The following LINGO2 variants were observed in gnomAD, a reference collection of about 807,000 sequenced individuals.
The protein encoded by LINGO2 is leucine-rich repeat and immunoglobulin-like domain-containing nogo receptor-interacting protein 2.
Under a neutral mutation model 30.6 loss-of-function variants are expected in LINGO2, and 14 were observed. The ratio of observed to expected loss-of-function variants is 0.46; its 90% confidence interval spans 0.30 to 0.72. LINGO2 has a LOEUF of 0.72. Among genes scored for constraint, LINGO2 ranks in the 30% least tolerant of loss-of-function variants. The pLI, the probability that LINGO2 is intolerant of heterozygous loss-of-function variation, is 0.07. For synonymous variants in LINGO2, 317 were observed against 288.5 expected (o/e 1.10, Z -1.00); for missense variants, 729 against 751.7 (o/e 0.97, Z 0.35).
chr9:28,445,063 C>T (rs1040025760), intron 2 of LINGO2, among the ~76,000 whole-genome samples: 3 of 152,212 alleles, frequency 2.0e-5, no homozygotes, highest in Non-Finnish European at 1.5e-5. Context: ...TAGCCAAAGT[C>T]ACAGAGCTAG....
chr9:28,837,661 C>CATATATAT, the LINGO2 span, among the ~76,000 whole-genome samples: 1 of 89,404 alleles, frequency 1.1e-5, no homozygotes, highest in African/African-American at 5.5e-5. Flanking sequence ...TATATATATA[C>CATATATAT]ATATATATAT....
chr9:28,639,003 G>A (rs879360687), intron 1 of LINGO2, among the ~76,000 whole-genome samples: 1 of 152,046 alleles, frequency 6.6e-6, no homozygotes, highest in Non-Finnish European at 1.5e-5. Context: ...GTGTCCCAGA[G>A]ATTCTGGTAT....
At chr9:28,653,445 G>A (rs1381316080) in intron 1 of LINGO2, among the ~76,000 whole-genome samples, 2 of 152,162 alleles carry the variant, frequency 1.3e-5, no homozygotes, top group Non-Finnish European at 2.9e-5. Context: ...ATAAGGGGAT[G>A]AAGTATATTC....
the LINGO2 span, among the ~76,000 whole-genome samples, chr9:29,198,805 G>A: frequency 6.6e-6 from 1 of 152,114 alleles, no homozygotes; most frequent in African/African-American, 2.4e-5. Context: ...ACAATGCATA[G>A]GTGAATGGAA....
At chr9:28,803,405 A>G in the LINGO2 span, among the ~76,000 whole-genome samples, 2 of 151,966 alleles carry the variant, frequency 1.3e-5, no homozygotes, top group Admixed American at 6.6e-5. Flanking sequence ...ACAGCAAACA[A>G]TATTTGAAAG....
the LINGO2 span, among the ~76,000 whole-genome samples, chr9:28,982,347 G>A: frequency 1.3e-5 from 2 of 151,918 alleles, no homozygotes; most frequent in South Asian, 2.1e-4. Flanking sequence ...GAAAATGGAG[G>A]GAGATGCTCA....
the LINGO2 span, among the ~76,000 whole-genome samples, chr9:29,191,913 T>C: frequency 2.5e-4 from 38 of 152,152 alleles, no homozygotes; most frequent in African/African-American, 8.7e-4. Context: ...TTTCAAGCTT[T>C]CTTAATATTG....
At chr9:28,790,325 C>CTTTCTTTTTTTTTTTTTTTTTTTTTTT in the LINGO2 span, among the ~76,000 whole-genome samples, 15 of 106,300 alleles carry the variant, frequency 1.4e-4, no homozygotes, top group African/African-American at 5.4e-4. Context: ...TCTTTTCTTT[C>CTTTCTTTTTTTTTTTTTTTTTTTTTTT]TTTTTTTTTT....
the LINGO2 span, among the ~76,000 whole-genome samples, chr9:29,155,669 G>A: frequency 5.3e-5 from 8 of 150,826 alleles, no homozygotes; most frequent in South Asian, 1.5e-3. Flanking sequence ...ATAATTTACT[G>A]TAAAAAGGAA....
chr9:28,300,216 C>T (rs1228374885), intron 3 of LINGO2, among the ~76,000 whole-genome samples: 1 of 151,296 alleles, frequency 6.6e-6, no homozygotes, highest in African/African-American at 2.4e-5. Flanking sequence ...ATGAATAGCA[C>T]ATCAGTGTTT....
intron 1 of LINGO2, among the ~76,000 whole-genome samples, chr9:28,553,106 G>A (rs1822402152): frequency 2.0e-5 from 3 of 152,050 alleles, no homozygotes; most frequent in African/African-American, 7.2e-5. Flanking sequence ...CTCCTCCAAA[G>A]GAACGCAGCT....
chr9:28,822,740 C>T, the LINGO2 span, among the ~76,000 whole-genome samples: 2 of 152,124 alleles, frequency 1.3e-5, no homozygotes, highest in Non-Finnish European at 2.9e-5. Flanking sequence ...AGGTTGCAGA[C>T]GGCCTTTCTT....
chr9:28,669,316 A>G (rs1357646065), intron 1 of LINGO2, among the ~76,000 whole-genome samples: 1 of 152,020 alleles, frequency 6.6e-6, no homozygotes, highest in Non-Finnish European at 1.5e-5. Flanking sequence ...CTTTTTTTTC[A>G]GAAGAAAATT....
the LINGO2 span, among the ~76,000 whole-genome samples, chr9:28,863,052 G>A: frequency 6.6e-6 from 1 of 152,004 alleles, no homozygotes; most frequent in East Asian, 1.9e-4. Context: ...GAAAATGAAT[G>A]CCCAGTGAAT....
the LINGO2 span, among the ~76,000 whole-genome samples, chr9:29,125,733 T>G: frequency 6.6e-6 from 1 of 152,212 alleles, no homozygotes; most frequent in East Asian, 1.9e-4. Flanking sequence ...GAAGACTAAA[T>G]GAATGTAGAT....
chr9:28,979,623 C>T, the LINGO2 span, among the ~76,000 whole-genome samples: 1 of 152,006 alleles, frequency 6.6e-6, no homozygotes, highest in Non-Finnish European at 1.5e-5. Flanking sequence ...AGATTGAATA[C>T]TATACATTGT....
At chr9:29,179,163 ATATATATATATATAT>A in the LINGO2 span, among the ~76,000 whole-genome samples, 1 of 2,762 alleles carries the variant, frequency 3.6e-4, no homozygotes, top group Non-Finnish European at 3.2e-3. Context: ...CTGTAAATAT[ATATATATATATATAT>A]ATATATATAT....
At chr9:28,145,339 T>G (rs919458434) in intron 4 of LINGO2, among the ~76,000 whole-genome samples, 2 of 152,240 alleles carry the variant, frequency 1.3e-5, no homozygotes, top group African/African-American at 2.4e-5. Flanking sequence ...TGAGGTACTA[T>G]GAATTTATTT....
At chr9:28,572,335 A>T (rs948676772) in intron 1 of LINGO2, among the ~76,000 whole-genome samples, 3 of 152,120 alleles carry the variant, frequency 2.0e-5, no homozygotes, top group Non-Finnish European at 4.4e-5. Context: ...TAGAGATAAC[A>T]TATTGAGGCA....
Sources: gnomAD v4.1 joint callset for allele counts (sites outside exome capture counted in the v4.1 genomes callset) on GRCh38, gnomAD v4.1.1 for gene constraint, MANE v1.5 for transcripts, NCBI Gene and HGNC (gene_info 2026-07-23, HGNC 2026-07-21) for gene names.